GPM6A: variants seen among roughly 807,000 people sequenced by gnomAD.
GPM6A encodes neuronal membrane glycoprotein M6-a.
GPM6A carries 7 observed loss-of-function variants against 32.1 expected under a neutral mutation model. The observed-to-expected ratio is 0.22, with a 90% CI of 0.12 to 0.41. The LOEUF (loss-of-function observed/expected upper bound fraction) is 0.41. Among genes scored for constraint, GPM6A ranks in the 10% least tolerant of loss-of-function variants. The probability of loss-of-function intolerance (pLI) is 1.00; values close to 1 mark genes in which losing one functional copy is unlikely to be tolerated. For missense variants in GPM6A, 235 were observed against 347.2 expected, an observed-to-expected ratio of 0.68 and a Z score of 2.57; for synonymous variants, 130 against 123.4, an observed-to-expected ratio of 1.05 and a Z score of -0.35.
chr4:175,893,695 G>A (rs944199285), intron 1 of GPM6A, among the ~76,000 whole-genome samples: 94 of 152,126 alleles, frequency 6.2e-4, no homozygotes, highest in African/African-American at 2.2e-3. Context: ...AACCTCATTC[G>A]TTTTATATCT....
chr4:175,896,898 G>A (rs1322516946), intron 1 of GPM6A, among the ~76,000 whole-genome samples: 1 of 152,038 alleles, frequency 6.6e-6, no homozygotes, highest in Non-Finnish European at 1.5e-5. Flanking sequence ...CCTCTTCTTT[G>A]AGGTGGCATC....
intron 1 of GPM6A, among the ~76,000 whole-genome samples, chr4:175,719,759 A>T (rs996694977): frequency 2.0e-5 from 3 of 152,188 alleles, no homozygotes; most frequent in Non-Finnish European, 4.4e-5. Flanking sequence ...CACTTCTGCA[A>T]GCAGTATCTT....
At chr4:175,861,440 A>T (rs1267700516) in intron 1 of GPM6A, among the ~76,000 whole-genome samples, 1 of 151,788 alleles carries the variant, frequency 6.6e-6, no homozygotes, top group Non-Finnish European at 1.5e-5. Context: ...CAAACTAAAA[A>T]AAAAAACAAC....
At chr4:175,674,240 C>T (rs372658253) in intron 2 of GPM6A, among the ~76,000 whole-genome samples, 1 of 152,182 alleles carries the variant, frequency 6.6e-6, no homozygotes, top group Non-Finnish European at 1.5e-5. Flanking sequence ...TACAGTGGTG[C>T]GATCTCGGCT....
intron 1 of GPM6A, among the ~76,000 whole-genome samples, chr4:175,854,023 G>C (rs1204444015): frequency 6.6e-6 from 1 of 152,062 alleles, no homozygotes; most frequent in African/African-American, 2.4e-5. Context: ...AGGAGAAATA[G>C]GAAAAAGCAC....
intron 1 of GPM6A, among the ~76,000 whole-genome samples, chr4:175,828,274 T>A (rs138362421): frequency 6.6e-6 from 1 of 152,326 alleles, no homozygotes; most frequent in Non-Finnish European, 1.5e-5. Context: ...AGATACAGCC[T>A]GCTAAGAAAC....
intron 1 of GPM6A, among the ~76,000 whole-genome samples, chr4:175,747,440 A>T (rs35808290): frequency 0.22 from 33,008 of 152,002 alleles, 3,849 homozygotes; most frequent in East Asian, 0.25. Context: ...AATATCTTTC[A>T]AACATATTCC....
chr4:175,669,162 A>G (rs1303561767), intron 3 of GPM6A, among the ~76,000 whole-genome samples: 1 of 152,244 alleles, frequency 6.6e-6, no homozygotes, highest in Non-Finnish European at 1.5e-5. Context: ...ATTTCCCATT[A>G]TTATTACTAA....
chr4:175,867,395 T>C (rs1736773680), intron 1 of GPM6A, among the ~76,000 whole-genome samples: 1 of 152,164 alleles, frequency 6.6e-6, no homozygotes, highest in Non-Finnish European at 1.5e-5. Flanking sequence ...GCACTTAACA[T>C]TTAGGTCTGT....
At chr4:175,957,915 C>T (rs946929862) in intron 1 of GPM6A, among the ~76,000 whole-genome samples, 13 of 152,134 alleles carry the variant, frequency 8.5e-5, no homozygotes, top group African/African-American at 1.7e-4. Context: ...TTTTTTGAGA[C>T]GGAGTCTCAC....
chr4:175,650,743 A>G (rs192552596), intron 4 of GPM6A, among the ~76,000 whole-genome samples: 131 of 152,250 alleles, frequency 8.6e-4, no homozygotes, highest in African/African-American at 3.0e-3. Flanking sequence ...TAATCTACTT[A>G]CAGTATAACT....
rs950185255 is a variant in GPM6A, at chr4:175,634,761, G to T, written c.*144C>A. ...GGAAATTTAAGTGCTAAACAACAAAGAATTGTACTCAGGTGATTCATAAGT... is the reference window on the plus strand; with the variant it reads ...GGAAATTTAAGTGCTAAACAACAAATAATTGTACTCAGGTGATTCATAAGT... On this transcript the variant is annotated 3_prime_UTR_variant, in exon 7 of 7. Transcript: ENST00000393658. 62 of 592,190 alleles carry T rather than the reference G, an allele frequency of 1.0e-4. No homozygotes were observed. The highest frequency in any genetic ancestry group is 1.7e-4 in the Non-Finnish European group (58 of 340,854). 36.7% of individuals were successfully genotyped at this position (592,190 alleles called of 1,614,324 possible).
intron 1 of GPM6A, among the ~76,000 whole-genome samples, chr4:175,908,863 T>A (rs988465667): frequency 6.6e-6 from 1 of 152,120 alleles, no homozygotes; most frequent in Non-Finnish European, 1.5e-5. Context: ...GCTTTGTCTT[T>A]GCAAGAATAA....
At chr4:175,903,026 T>C (rs1382996830) in intron 1 of GPM6A, among the ~76,000 whole-genome samples, 2 of 152,096 alleles carry the variant, frequency 1.3e-5, no homozygotes, top group South Asian at 4.1e-4. Context: ...CTAATAACAG[T>C]AAGTACATCT....
intron 1 of GPM6A, among the ~76,000 whole-genome samples, chr4:175,768,891 T>C (rs750307735): frequency 7.3e-5 from 11 of 151,282 alleles, no homozygotes; most frequent in Non-Finnish European, 1.6e-4. Flanking sequence ...AGGTCAGGAG[T>C]TCAAGACCAG....
intron 4 of GPM6A, among the ~76,000 whole-genome samples, chr4:175,645,932 C>T (rs2333252): frequency 0.71 from 107,494 of 152,026 alleles, 40,752 homozygotes; most frequent in Non-Finnish European, 0.85. Context: ...ATTCTAGAGA[C>T]CACCCACTTC....
At chr4:175,920,048 GTAACCTCTAAAGGTGATGGAGCTTGGCT>G (rs1373232429) in intron 1 of GPM6A, among the ~76,000 whole-genome samples, 3 of 152,258 alleles carry the variant, frequency 2.0e-5, no homozygotes, top group Non-Finnish European at 2.9e-5. Flanking sequence ...TAAAAGGAAA[GTAACCTCTAAAGGTGATGGAGCTTGGCT>G]TACGCCATCA....
chr4:175,962,311 T>G, intron 1 of GPM6A: 1 of 1,074,366 alleles, frequency 9.3e-7, no homozygotes, highest in Non-Finnish European at 1.4e-6. Context: ...GTGAGTTTAC[T>G]GGGTCCTGTG....
intron 1 of GPM6A, among the ~76,000 whole-genome samples, chr4:175,865,176 A>G (rs908752655): frequency 6.6e-6 from 1 of 152,180 alleles, no homozygotes; most frequent in African/African-American, 2.4e-5. Context: ...ATATCGTTTT[A>G]GCACAATTGT....
Sources: gnomAD v4.1 joint callset for allele counts (sites outside exome capture counted in the v4.1 genomes callset) on GRCh38, gnomAD v4.1.1 for gene constraint, MANE v1.5 for transcripts, NCBI Gene and HGNC (gene_info 2026-07-23, HGNC 2026-07-21) for gene names.